The following NBPF4 variants were observed in gnomAD, a reference collection of about 807,000 sequenced individuals.
NBPF4 encodes the protein NBPF family member NBPF4.
Under a neutral mutation model 21.1 loss-of-function variants are expected in NBPF4, and 11 were observed. The ratio of observed to expected loss-of-function variants is 0.52; its 90% CI spans 0.33 to 0.86. The LOEUF (loss-of-function observed/expected upper bound fraction) is 0.86. Ranked by LOEUF, NBPF4 falls within the 40% of genes least tolerant of loss-of-function variation. The pLI, the probability that NBPF4 is intolerant of heterozygous loss-of-function variation, is 0.03. For missense variants in NBPF4, 88 were observed against 265.3 expected (o/e 0.33, Z 4.64); for synonymous variants, 47 against 106.4 (o/e 0.44, Z 3.43).
At chr1:108,241,385 C>G (rs1410108120) in intron 3 of NBPF4, among the ~76,000 whole-genome samples, 1 of 144,916 alleles carries the variant, frequency 6.9e-6, no homozygotes, top group Non-Finnish European at 1.5e-5. Flanking sequence ...AACATACACA[C>G]ACATATATAT....
chr1:108,256,585 CCTCT>C, the NBPF4 span, among the ~76,000 whole-genome samples: 5 of 94,468 alleles, frequency 5.3e-5, no homozygotes, highest in South Asian at 4.6e-4. Flanking sequence ...CCCCTCCCTC[CCTCT>C]CTCCCTCCCT....
At chr1:108,247,841 T>TC (rs1248043461), upstream of NBPF4, among the ~76,000 whole-genome samples, 1 of 122,682 alleles carries the variant, frequency 8.2e-6, no homozygotes, top group East Asian at 2.8e-4. Flanking sequence ...CTTTTTTTTT[T>TC]TTTTTTTTGA....
In NBPF4 at chr1:108,223,385, C is replaced by T. The variant is rs1366627582; in HGVS notation, c.*320G>A. ...CTCATACTCTGCCCTGGCAGAGTCC[C>T]GGCTGACATGCTGTCTCCTGCCAGC... On this transcript the variant is annotated 3_prime_UTR_variant, in exon 15 of 15. Transcript: ENST00000415641. 3.8e-5 allele frequency: 11 copies of T among 293,012 alleles called. No homozygotes were observed. The highest frequency in any genetic ancestry group is 5.8e-5 in the Non-Finnish European group (9 of 155,338). The allele number at this position is 293,012 out of a possible 1,614,324, so 18.2% of individuals were successfully genotyped here. A position where few individuals can be genotyped will look rare whatever the true frequency, so the allele number is the denominator to read the frequency against.
chr1:108,265,068 G>C, the NBPF4 span, among the ~76,000 whole-genome samples: 3 of 152,152 alleles, frequency 2.0e-5, no homozygotes, highest in Non-Finnish European at 2.9e-5. Flanking sequence ...AAGAGCTTCT[G>C]CACAGCAAAA....
At chr1:108,227,273 TGGGAATGGAAG>T (rs1649510950) in intron 13 of NBPF4, among the ~76,000 whole-genome samples, 1 of 59,924 alleles carries the variant, frequency 1.7e-5, no homozygotes, top group Non-Finnish European at 3.1e-5. Context: ...AAACAGGAGA[TGGGAATGGAAG>T]GGCCTGGCAG....
At chr1:108,248,145 G>A (rs1649898180), upstream of NBPF4, among the ~76,000 whole-genome samples, 1 of 151,656 alleles carries the variant, frequency 6.6e-6, no homozygotes, top group Non-Finnish European at 1.5e-5. Flanking sequence ...ATATATGTGA[G>A]CATAATGTTT....
chr1:108,226,344 A>G (rs1649472087), intron 14 of NBPF4, among the ~76,000 whole-genome samples: 1 of 151,312 alleles, frequency 6.6e-6, no homozygotes, highest in Non-Finnish European at 1.5e-5. Flanking sequence ...AATTTCCCAA[A>G]GGAGTGTGTG....
upstream of NBPF4, among the ~76,000 whole-genome samples, chr1:108,245,024 T>C (rs1379885812): frequency 3.8e-5 from 3 of 79,414 alleles, no homozygotes; most frequent in African/African-American, 1.4e-4. Flanking sequence ...AAGATCAAGC[T>C]CATGGTCACG....
upstream of NBPF4, among the ~76,000 whole-genome samples, chr1:108,244,901 GATATATATATATAT>G (rs1173565670): frequency 9.6e-3 from 119 of 12,444 alleles, 9 homozygotes; most frequent in Middle Eastern, 0.056. Context: ...TATTGTTGGA[GATATATATATATAT>G]ATATATATAT....
chr1:108,228,815 T>G, intron 13 of NBPF4, 105 bp downstream of exon 13: 1 of 723,752 alleles, frequency 1.4e-6, no homozygotes, highest in East Asian at 2.7e-5. Flanking sequence ...GATTTCAACT[T>G]GACCCTGAGG....
chr1:108,245,029 G>C (rs529020434), upstream of NBPF4, among the ~76,000 whole-genome samples: 32 of 78,810 alleles, frequency 4.1e-4, no homozygotes, highest in Non-Finnish European at 6.8e-4. Flanking sequence ...CAAGCTCATG[G>C]TCACGGGTGG....
chr1:108,258,625 G>A, the NBPF4 span, among the ~76,000 whole-genome samples: 2 of 131,904 alleles, frequency 1.5e-5, no homozygotes, highest in Non-Finnish European at 3.2e-5. Context: ...GAAGAGGAAC[G>A]TCCCAACCTA....
chr1:108,268,388 TTACAAAACTA>T, the NBPF4 span, among the ~76,000 whole-genome samples: 1 of 152,012 alleles, frequency 6.6e-6, no homozygotes, highest in African/African-American at 2.4e-5. Flanking sequence ...TCCAATTTAA[TTACAAAACTA>T]TAAAAACTGG....
At position 108,223,410 on chromosome 1, in the gene NBPF4, C is replaced by A. The variant is rs1649371717; in HGVS notation, c.*295G>T. The A allele has an allele frequency of 3.1e-6, 1 of 319,688 alleles. No homozygotes were observed. The highest frequency in any genetic ancestry group is 5.8e-6 in the Non-Finnish European group (1 of 171,730). The allele number at this position is 319,688 out of a possible 1,614,324, so 19.8% of individuals were successfully genotyped here. ...CGGCTGACATGCTGTCTCCTGCCAG[C>A]AGCTGCGGACTCCTGTTCTCTACAC... On this transcript the variant is annotated 3_prime_UTR_variant, in exon 15 of 15. Coordinates refer to ENST00000415641, the MANE Select transcript of NBPF4 (RefSeq NM_001143989.3).
the NBPF4 span, among the ~76,000 whole-genome samples, chr1:108,265,007 G>A: frequency 0.13 from 17,360 of 130,000 alleles, 51 homozygotes; most frequent in South Asian, 0.23. Context: ...CAAACAAACC[G>A]CAGAGCTAGC....
chr1:108,223,602 A>G lies in NBPF4; in HGVS notation c.*103T>C. On this transcript the variant is annotated 3_prime_UTR_variant, in exon 15 of 15. Coordinates refer to ENST00000415641, the MANE Select transcript of NBPF4 (RefSeq NM_001143989.3). ...AAGAGTATTCTGTGTCTGAAATTCA[A>G]TCCTCAGTGAAGGACCCCTGCAGTA... The G allele has an allele frequency of 3.0e-6, 3 of 1,008,890 alleles. No homozygotes were observed. Among genetic ancestry groups the G allele is most frequent in the South Asian group, 3.1e-5 (2 of 64,858 alleles). 62.5% of individuals were successfully genotyped at this position (1,008,890 alleles called of 1,614,324 possible).
chr1:108,266,134 T>A, the NBPF4 span, among the ~76,000 whole-genome samples: 2 of 132,920 alleles, frequency 1.5e-5, no homozygotes. Flanking sequence ...AATCAACAAA[T>A]CTAGGAGCTG....
upstream of NBPF4, among the ~76,000 whole-genome samples, chr1:108,246,315 T>G (rs573669264): frequency 1.1e-4 from 14 of 125,744 alleles, no homozygotes; most frequent in South Asian, 3.2e-4. Context: ...ATATTTTATG[T>G]ATAGATACAA....
At chr1:108,257,478 C>G in the NBPF4 span, among the ~76,000 whole-genome samples, 1 of 151,014 alleles carries the variant, frequency 6.6e-6, no homozygotes, top group Non-Finnish European at 1.5e-5. Flanking sequence ...TACCCATTAA[C>G]CAACTTCTAC....
Sources: allele counts gnomAD v4.1 joint callset (sites outside exome capture counted in the v4.1 genomes callset), GRCh38; gene constraint gnomAD v4.1.1; transcripts MANE v1.5; gene names NCBI Gene and HGNC (gene_info 2026-07-23, HGNC 2026-07-21).